Variants in ANKRD30B observed in about 807,000 individuals in gnomAD.
The protein encoded by ANKRD30B is ankyrin repeat domain-containing protein 30B.
In ANKRD30B, 144 loss-of-function variants were observed where a neutral mutation model predicts 202.2. The observed-to-expected ratio is 0.71, with a 90% CI of 0.62 to 0.82. The LOEUF (loss-of-function observed/expected upper bound fraction) is 0.82, where lower values mean the gene tolerates loss of function less well. ANKRD30B is among the 40% of genes least tolerant of loss of function. The pLI is 0.00. For synonymous variants in ANKRD30B, 508 were observed against 561.3 expected, an observed-to-expected ratio of 0.91 and a Z score of 1.34; for missense variants, 1,487 against 1,669.1, an observed-to-expected ratio of 0.89 and a Z score of 1.90.
At chr18:14,867,105 C>T in the ANKRD30B span, among the ~76,000 whole-genome samples, 6 of 120,916 alleles carry the variant, frequency 5.0e-5, no homozygotes, top group African/African-American at 6.6e-5. Context: ...AGATTGGGGG[C>T]GCTATCTGGG....
chr18:14,828,944 T>A (rs184931185), intron 33 of ANKRD30B, among the ~76,000 whole-genome samples: 36 of 152,328 alleles, frequency 2.4e-4, no homozygotes, highest in Admixed American at 1.1e-3. Context: ...TTAATCATAT[T>A]TAGAGGCTAT....
the ANKRD30B span, among the ~76,000 whole-genome samples, chr18:14,905,223 C>A: frequency 6.6e-6 from 1 of 152,242 alleles, no homozygotes; most frequent in Non-Finnish European, 1.5e-5. Flanking sequence ...GCCCTTGAAG[C>A]TGCCCTGCCT....
intron 16 of ANKRD30B, among the ~76,000 whole-genome samples, chr18:14,791,873 T>C (rs9748783): frequency 0.015 from 2,217 of 152,218 alleles, 55 homozygotes; most frequent in African/African-American, 0.051. Flanking sequence ...AGGAAAAGAT[T>C]GGGCATGGTT....
chr18:14,900,597 T>A, the ANKRD30B span, among the ~76,000 whole-genome samples: 1 of 152,194 alleles, frequency 6.6e-6, no homozygotes, highest in East Asian at 1.9e-4. Flanking sequence ...CCAACTTTTA[T>A]TCTCTCCTTT....
the ANKRD30B span, among the ~76,000 whole-genome samples, chr18:14,913,903 A>G: frequency 1.4e-4 from 21 of 152,214 alleles, no homozygotes; most frequent in African/African-American, 4.8e-4. Context: ...GTTTTGTATA[A>G]ATTACCTTAA....
intron 16 of ANKRD30B, among the ~76,000 whole-genome samples, chr18:14,794,673 A>G (rs1968753148): frequency 6.6e-6 from 1 of 152,194 alleles, no homozygotes; most frequent in African/African-American, 2.4e-5. Context: ...TATTGAATAC[A>G]ATTTTAAGCA....
intron 39 of ANKRD30B, among the ~76,000 whole-genome samples, chr18:14,846,881 C>G (rs1233099209): frequency 1.3e-5 from 2 of 151,346 alleles, no homozygotes; most frequent in Admixed American, 1.3e-4. Flanking sequence ...GACAATCTGC[C>G]TTTGAGCAGA....
intron 1 of ANKRD30B, among the ~76,000 whole-genome samples, chr18:14,750,755 C>T (rs1293614107): frequency 2.0e-5 from 3 of 151,960 alleles, no homozygotes; most frequent in African/African-American, 4.8e-5. Context: ...GAAACATATA[C>T]GGAAGTATGT....
chr18:14,766,492 A>AT (rs1916214578), intron 7 of ANKRD30B, among the ~76,000 whole-genome samples: 7 of 147,596 alleles, frequency 4.7e-5, no homozygotes, highest in Non-Finnish European at 8.9e-5. Context: ...AAAAAAAAAA[A>AT]AAAAAGAAAA....
chr18:14,886,578 C>T, the ANKRD30B span, among the ~76,000 whole-genome samples: 3 of 152,056 alleles, frequency 2.0e-5, no homozygotes, highest in Admixed American at 6.6e-5. Context: ...TTGGTCCTAA[C>T]ATAGCTTGTA....
the ANKRD30B span, among the ~76,000 whole-genome samples, chr18:14,898,105 G>A: frequency 6.6e-6 from 1 of 152,140 alleles, no homozygotes. Flanking sequence ...TAGATCTTTT[G>A]TGATAATTTA....
intron 1 of ANKRD30B, among the ~76,000 whole-genome samples, chr18:14,752,167 G>C (rs1332538264): frequency 6.6e-6 from 1 of 152,106 alleles, no homozygotes; most frequent in African/African-American, 2.4e-5. Context: ...GCTGTTACAT[G>C]TACTAGGAAC....
chr18:14,800,526 A>G (rs979978190), intron 22 of ANKRD30B, among the ~76,000 whole-genome samples: 4 of 151,218 alleles, frequency 2.6e-5, no homozygotes, highest in Non-Finnish European at 4.4e-5. Flanking sequence ...GGGTTTCACC[A>G]TGTTAGCCAG....
In ANKRD30B at chr18:14,769,250, G is replaced by A. The variant is rs1916722115; in HGVS notation, c.1226-93G>A. On this transcript the variant is annotated intron_variant, in intron 7 of 43. Coordinates refer to ENST00000690538, the MANE Select transcript of ANKRD30B (RefSeq NM_001367607.2). The stretch of plus-strand genomic sequence containing the variant: ...CCTTCCCAAGTAGCTGGGATTACAG[G>A]CATTTGCCATCGTGCCCTCTTACGT... The A allele has an allele frequency of 4.2e-6, 4 of 956,396 alleles. No individual in the cohort carries two copies. The East Asian group carries it at 1.1e-4, about 27-fold the overall frequency. The allele number at this position is 956,396 out of a possible 1,614,324, so 59.2% of individuals were successfully genotyped here.
the ANKRD30B span, among the ~76,000 whole-genome samples, chr18:14,884,964 C>CT: frequency 6.6e-6 from 1 of 152,036 alleles, no homozygotes. Context: ...CAACAATGCT[C>CT]AAATAGTTAC....
intron 9 of ANKRD30B, among the ~76,000 whole-genome samples, chr18:14,774,883 T>G (rs1030887053): frequency 8.7e-5 from 13 of 149,842 alleles, no homozygotes; most frequent in Non-Finnish European, 1.5e-4. Flanking sequence ...ATCCCAGCAC[T>G]TTGGGAGTCC....
the ANKRD30B span, among the ~76,000 whole-genome samples, chr18:14,916,686 A>T: frequency 6.6e-6 from 1 of 152,226 alleles, no homozygotes; most frequent in Non-Finnish European, 1.5e-5. Flanking sequence ...TCTATTAATT[A>T]TCTGAGCTTG....
At chr18:14,811,549 G>A (rs1193064136) in intron 28 of ANKRD30B, among the ~76,000 whole-genome samples, 2 of 145,964 alleles carry the variant, frequency 1.4e-5, no homozygotes, top group Non-Finnish European at 3.0e-5. Flanking sequence ...TTGCCTAGAA[G>A]TAACCAATAT....
chr18:14,898,360 G>A, the ANKRD30B span, among the ~76,000 whole-genome samples: 1 of 152,046 alleles, frequency 6.6e-6, no homozygotes, highest in African/African-American at 2.4e-5. Context: ...TTTTCATAAG[G>A]AGCGCAAAAC....
Sources: gnomAD v4.1 joint callset for allele counts (sites outside exome capture counted in the v4.1 genomes callset) on GRCh38, gnomAD v4.1.1 for gene constraint, MANE v1.5 for transcripts, NCBI Gene and HGNC (gene_info 2026-07-23, HGNC 2026-07-21) for gene names.